The following DMD variants were observed in gnomAD, a reference collection of about 807,000 sequenced individuals.
DMD encodes dystrophin.
DMD carries 63 observed loss-of-function variants against 330.1 expected under a neutral mutation model. The ratio of observed to expected loss-of-function variants is 0.19; its 90% confidence interval spans 0.16 to 0.24. The LOEUF (loss-of-function observed/expected upper bound fraction) is 0.24. Among genes scored for constraint, DMD ranks in the 10% least tolerant of loss-of-function variants. The probability of loss-of-function intolerance (pLI) is 1.00; values close to 1 mark genes in which losing one functional copy is unlikely to be tolerated. For synonymous variants in DMD, 1,223 were observed against 959.8 expected, an observed-to-expected ratio of 1.27 and a Z score of -5.07; for missense variants, 3,344 against 2,684.1, an observed-to-expected ratio of 1.25 and a Z score of -5.43.
At chrX:32,379,223 A>G (rs1485994405) in intron 34 of DMD, among the ~76,000 whole-genome samples, 3 of 107,847 alleles carry the variant, frequency 2.8e-5, no homozygotes, top group Non-Finnish European at 5.8e-5. Flanking sequence ...TTTTTTTCCT[A>G]CTAGATCTCA....
At chrX:32,068,041 A>C (rs2096271355) in intron 44 of DMD, among the ~76,000 whole-genome samples, 1 of 111,557 alleles carries the variant, frequency 9.0e-6, no homozygotes, top group South Asian at 3.7e-4. Flanking sequence ...TTTTTAACAA[A>C]GCCAGTCTGA....
At chrX:31,468,978 G>C (rs1416157788) in intron 59 of DMD, among the ~76,000 whole-genome samples, 1 of 110,785 alleles carries the variant, frequency 9.0e-6, no homozygotes, top group Non-Finnish European at 1.9e-5. Flanking sequence ...TCTGAGACTA[G>C]GATTGCAACC....
chrX:31,447,150 C>T (rs1414404804), intron 59 of DMD, among the ~76,000 whole-genome samples: 1 of 109,534 alleles, frequency 9.1e-6, no homozygotes, highest in African/African-American at 3.3e-5. Context: ...GAAGGGGATT[C>T]AAAAATAAGT....
intron 61 of DMD, among the ~76,000 whole-genome samples, chrX:31,343,705 G>T (rs913305994): frequency 9.2e-6 from 1 of 108,673 alleles, no homozygotes; most frequent in Non-Finnish European, 1.9e-5. Context: ...GCATGTTTAC[G>T]CTGGCGGGTG....
chrX:32,072,953 T>G (rs1042892959), intron 44 of DMD, among the ~76,000 whole-genome samples: 1 of 112,292 alleles, frequency 8.9e-6, no homozygotes, highest in Non-Finnish European at 1.9e-5. Context: ...AATGTTCTTT[T>G]GACAGTAAAG....
intron 34 of DMD, among the ~76,000 whole-genome samples, chrX:32,369,061 T>A (rs1005703219): frequency 1.8e-5 from 2 of 111,378 alleles, no homozygotes; most frequent in Admixed American, 1.9e-4. Context: ...TAAGGGTTTT[T>A]ATGATAGAGG....
At chrX:31,506,962 T>A (rs1378941851) in intron 56 of DMD, among the ~76,000 whole-genome samples, 1 of 112,043 alleles carries the variant, frequency 8.9e-6, no homozygotes, top group Non-Finnish European at 1.9e-5. Context: ...TATCACTTTT[T>A]GTATAACCCT....
chrX:32,967,409 T>C lies in DMD; in HGVS notation c.93+52730A>G, dbSNP rs757318715. On this transcript the variant is annotated intron_variant, in intron 2 of 78. Coordinates refer to ENST00000357033, the MANE Select transcript of DMD (RefSeq NM_004006.3). ...TTAATGAGCAAGTTATGACTATGGA[T>C]GACTGGGACTTAATGCCACTGGAGA... Among the ~76,000 whole-genome samples, 3 of 112,035 alleles carry C rather than the reference T, an allele frequency of 2.7e-5. No individual in the cohort carries two copies. The East Asian group carries it at 8.5e-4, about 32-fold the overall frequency.
chrX:32,355,130 T>C (rs2097794612), intron 37 of DMD, among the ~76,000 whole-genome samples: 1 of 111,804 alleles, frequency 8.9e-6, no homozygotes, highest in Non-Finnish European at 1.9e-5. Flanking sequence ...CCTTTTGTTC[T>C]TGTCATTTTT....
intron 60 of DMD, among the ~76,000 whole-genome samples, chrX:31,377,706 T>C (rs996868773): frequency 5.4e-5 from 6 of 111,826 alleles, no homozygotes; most frequent in African/African-American, 2.0e-4. Flanking sequence ...ACAGTACCTA[T>C]CTACAAGATC....
rs2074130300 is a variant in DMD at position 31,546,162 on chromosome X, T to C, written c.8218-38709A>G. Among the ~76,000 whole-genome samples the C allele has an allele frequency of 2.7e-5, 3 of 112,569 alleles. No homozygotes were observed. The South Asian group carries it at 1.1e-3, about 41-fold the overall frequency. On this transcript the variant is annotated intron_variant, in intron 55 of 78. Coordinates refer to ENST00000357033, the MANE Select transcript of DMD (RefSeq NM_004006.3). ...GACAAAAACAGCAATGGCAGCAGCA[T>C]TATCTGCAAATATTTATGAGTACTT...
chrX:32,989,074 A>G (rs2147287051), intron 2 of DMD, among the ~76,000 whole-genome samples: 1 of 111,750 alleles, frequency 8.9e-6, no homozygotes, highest in Non-Finnish European at 1.9e-5. Context: ...TGTCACATAA[A>G]ACAACATATA....
At chrX:33,054,036 A>G (rs1306239095) in intron 1 of DMD, among the ~76,000 whole-genome samples, 1 of 111,848 alleles carries the variant, frequency 8.9e-6, no homozygotes, top group Non-Finnish European at 1.9e-5. Flanking sequence ...ACAATTGGGA[A>G]AGTGGATTTG....
chrX:31,227,888 A>G (rs2046778950), intron 63 of DMD, among the ~76,000 whole-genome samples: 1 of 110,581 alleles, frequency 9.0e-6, no homozygotes. Context: ...CTGGATTAAG[A>G]AAATGTGGCA....
At chrX:32,034,393 ATAAACT>A (rs921422509) in intron 44 of DMD, among the ~76,000 whole-genome samples, 1 of 111,910 alleles carries the variant, frequency 8.9e-6, no homozygotes, top group Non-Finnish European at 1.9e-5. Context: ...TCCTATAAAC[ATAAACT>A]TGACTATAGA....
intron 52 of DMD, among the ~76,000 whole-genome samples, chrX:31,720,777 T>C (rs1180879378): frequency 1.8e-5 from 2 of 111,860 alleles, no homozygotes; most frequent in Non-Finnish European, 1.9e-5. Flanking sequence ...AAACACTATT[T>C]ATGTTCATAA....
At chrX:31,253,087 C>A (rs1290324766) in intron 63 of DMD, among the ~76,000 whole-genome samples, 1 of 112,029 alleles carries the variant, frequency 8.9e-6, no homozygotes, top group African/African-American at 3.2e-5. Context: ...GGGCTGACAA[C>A]ATTCATACAA....
chrX:32,958,258 A>T (rs982892322), intron 2 of DMD, among the ~76,000 whole-genome samples: 5 of 111,901 alleles, frequency 4.5e-5, no homozygotes, highest in Non-Finnish European at 9.4e-5. Flanking sequence ...AAATAGAAGA[A>T]AATGCAATAA....
chrX:31,442,111 T>C (rs2064998164), intron 60 of DMD, among the ~76,000 whole-genome samples: 1 of 111,774 alleles, frequency 8.9e-6, no homozygotes, highest in Non-Finnish European at 1.9e-5. Flanking sequence ...CAAGGAGAAA[T>C]ATAATTTCAA....
Sources: gnomAD v4.1 joint callset for allele counts (sites outside exome capture counted in the v4.1 genomes callset) on GRCh38, gnomAD v4.1.1 for gene constraint, MANE v1.5 for transcripts, NCBI Gene and HGNC (gene_info 2026-07-23, HGNC 2026-07-21) for gene names.